Variants in DAB1 observed in about 807,000 individuals in gnomAD.
DAB1 encodes disabled homolog 1.
DAB1 carries 15 observed loss-of-function variants against 64.6 expected under a neutral mutation model. That is an observed-to-expected ratio of 0.23 (90% CI 0.16 to 0.36). DAB1 has a LOEUF of 0.36. Ranked by LOEUF, DAB1 falls within the 10% of genes least tolerant of loss-of-function variation. The probability of loss-of-function intolerance (pLI) is 1.00; values close to 1 mark genes in which losing one functional copy is unlikely to be tolerated. For missense variants in DAB1, 596 were observed against 706.7 expected, an observed-to-expected ratio of 0.84 and a Z score of 1.78; for synonymous variants, 235 against 251.9, an observed-to-expected ratio of 0.93 and a Z score of 0.64.
At chr1:57,491,981 C>T (rs2101281057) in intron 7 of DAB1, among the ~76,000 whole-genome samples, 1 of 152,238 alleles carries the variant, frequency 6.6e-6, no homozygotes, top group Middle Eastern at 3.4e-3. Flanking sequence ...TAAAATGTGA[C>T]TGACACATTC....
intron 1 of DAB1, among the ~76,000 whole-genome samples, chr1:57,314,544 G>C (rs1312944589): frequency 3.9e-5 from 6 of 152,102 alleles, no homozygotes; most frequent in Non-Finnish European, 5.9e-5. Flanking sequence ...GAGGCTCAGA[G>C]GATCTAATGA....
At chr1:57,097,136 G>T (rs1035379923) in intron 4 of DAB1, among the ~76,000 whole-genome samples, 1 of 152,166 alleles carries the variant, frequency 6.6e-6, no homozygotes, top group Non-Finnish European at 1.5e-5. Flanking sequence ...ATGGATAGAT[G>T]AATTAATAAA....
intron 6 of DAB1, among the ~76,000 whole-genome samples, chr1:57,808,134 C>G (rs190174649): frequency 1.3e-5 from 2 of 151,718 alleles, no homozygotes. Flanking sequence ...GTATTATATT[C>G]TCCCTCTCTC....
intron 6 of DAB1, among the ~76,000 whole-genome samples, chr1:57,815,769 G>A (rs1023579830): frequency 6.6e-6 from 1 of 151,820 alleles, no homozygotes; most frequent in Non-Finnish European, 1.5e-5. Flanking sequence ...CTTGACCCCC[G>A]AAACGTCTGA....
chr1:58,056,252 A>T (rs1020119685), intron 5 of DAB1: 19 of 1,358,480 alleles, frequency 1.4e-5, no homozygotes, highest in Non-Finnish European at 2.0e-5. Context: ...TGAATTGCAC[A>T]ACTCACACAG....
At chr1:58,300,602 A>C (rs147690926) in intron 4 of DAB1, among the ~76,000 whole-genome samples, 61 of 39,330 alleles carry the variant, frequency 1.6e-3, no homozygotes, top group African/African-American at 4.8e-3. Context: ...GAAAGAAAGA[A>C]AGAAAGAAAG....
chr1:57,308,396 A>G (rs1227823200), intron 1 of DAB1, among the ~76,000 whole-genome samples: 1 of 152,240 alleles, frequency 6.6e-6, no homozygotes, highest in African/African-American at 2.4e-5. Context: ...AAACACCCAC[A>G]GAAAATCACA....
At chr1:57,882,927 G>C (rs1296986564) in intron 1 of DAB1, among the ~76,000 whole-genome samples, 1 of 152,098 alleles carries the variant, frequency 6.6e-6, no homozygotes, top group Non-Finnish European at 1.5e-5. Flanking sequence ...TTTGTCCATG[G>C]GAGATGCTAG....
At chr1:57,307,721 C>A (rs1674317916) in intron 1 of DAB1, among the ~76,000 whole-genome samples, 1 of 151,992 alleles carries the variant, frequency 6.6e-6, no homozygotes, top group Admixed American at 6.5e-5. Context: ...ACTACACCCC[C>A]TTTCGTATCT....
chr1:57,114,574 G>T (rs2100733102), intron 4 of DAB1, among the ~76,000 whole-genome samples: 1 of 152,308 alleles, frequency 6.6e-6, no homozygotes, highest in Non-Finnish European at 1.5e-5. Context: ...TCAATCAGGT[G>T]TATTTGCTGC....
intron 7 of DAB1, among the ~76,000 whole-genome samples, chr1:57,482,034 T>C (rs1336130336): frequency 2.6e-5 from 4 of 152,122 alleles, no homozygotes; most frequent in Non-Finnish European, 2.9e-5. Context: ...AATAATGCTA[T>C]AGAGAATCCA....
intron 7 of DAB1, among the ~76,000 whole-genome samples, chr1:57,526,423 T>C (rs1262703800): frequency 6.6e-6 from 1 of 152,184 alleles, no homozygotes; most frequent in African/African-American, 2.4e-5. Flanking sequence ...TGCTTTCGTA[T>C]TGGACTTTCC....
intron 7 of DAB1, among the ~76,000 whole-genome samples, chr1:57,549,807 A>T (rs1201376146): frequency 6.6e-6 from 1 of 152,220 alleles, no homozygotes; most frequent in African/African-American, 2.4e-5. Flanking sequence ...GAAAGAACAA[A>T]GAGAGAATTT....
intron 7 of DAB1, among the ~76,000 whole-genome samples, chr1:57,531,095 A>G (rs1232462211): frequency 6.6e-6 from 1 of 152,180 alleles, no homozygotes; most frequent in Non-Finnish European, 1.5e-5. Flanking sequence ...ATCCCCTGTG[A>G]CCTGCATGAC....
intron 4 of DAB1, among the ~76,000 whole-genome samples, chr1:57,080,571 C>G (rs1364324822): frequency 6.6e-6 from 1 of 152,102 alleles, no homozygotes; most frequent in East Asian, 1.9e-4. Flanking sequence ...TGCATGAATT[C>G]CTTGCCTAAA....
intron 3 of DAB1, among the ~76,000 whole-genome samples, chr1:58,501,448 A>G (rs1048739921): frequency 1.3e-5 from 2 of 152,106 alleles, no homozygotes; most frequent in African/African-American, 4.8e-5. Flanking sequence ...TCCCTCCACT[A>G]TTGTCCCATC....
In DAB1 at chr1:57,996,698, G is replaced by C. The variant is rs566858636; in HGVS notation, n.388-112536C>G. On this transcript the variant is annotated intron_variant and non_coding_transcript_variant, in intron 5 of 20. Coordinates refer to the DAB1 transcript ENST00000485760. ...GCATCCCCCCTTCTAGCTCTGCATA[G>C]ATGTCAGACAATCATGTAACTCACT... Among the ~76,000 whole-genome samples the C allele has an allele frequency of 1.4e-4, 21 of 152,302 alleles. No individual in the cohort carries two copies. The South Asian group carries it at 1.9e-3, about 14-fold the overall frequency.
intron 7 of DAB1, chr1:57,070,681 A>C: frequency 3.9e-6 from 1 of 257,866 alleles, no homozygotes; most frequent in Non-Finnish European, 7.5e-6. Flanking sequence ...CAGAGAAGCC[A>C]CCTCATTATT....
chr1:58,167,567 T>C (rs1314433613), intron 4 of DAB1, among the ~76,000 whole-genome samples: 1 of 152,176 alleles, frequency 6.6e-6, no homozygotes, highest in African/African-American at 2.4e-5. Context: ...AAGCCAGCAG[T>C]GGCAACCTGC....
Sources: allele counts gnomAD v4.1 joint callset (sites outside exome capture counted in the v4.1 genomes callset), GRCh38; gene constraint gnomAD v4.1.1; transcripts MANE v1.5; gene names NCBI Gene and HGNC (gene_info 2026-07-23, HGNC 2026-07-21).